ESRRG: variants seen among roughly 807,000 people sequenced by gnomAD.
ESRRG encodes estrogen-related receptor gamma.
A neutral mutation model predicts 44.0 loss-of-function variants in ESRRG; 13 were observed. The ratio of observed to expected loss-of-function variants is 0.30; its 90% CI spans 0.19 to 0.47. The LOEUF is 0.47. ESRRG is among the 20% of genes least tolerant of loss of function. The pLI is 1.00. For missense variants in ESRRG, 395 were observed against 580.6 expected, an observed-to-expected ratio of 0.68 and a Z score of 3.29; for synonymous variants, 215 against 214.6, an observed-to-expected ratio of 1.00 and a Z score of -0.02.
chr1:217,010,658 G>T (rs1221388821), intron 1 of ESRRG, among the ~76,000 whole-genome samples: 1 of 152,118 alleles, frequency 6.6e-6, no homozygotes, highest in African/African-American at 2.4e-5. Context: ...TCATTCAAAG[G>T]TACAAAATGA....
At chr1:216,739,119 G>A (rs1458758531) in intron 2 of ESRRG, among the ~76,000 whole-genome samples, 16 of 152,062 alleles carry the variant, frequency 1.1e-4, no homozygotes, top group Admixed American at 9.8e-4. Flanking sequence ...CTAACCAAAT[G>A]CTATTAATGT....
chr1:216,560,085 A>G (rs2058413182), intron 5 of ESRRG, among the ~76,000 whole-genome samples: 1 of 152,180 alleles, frequency 6.6e-6, no homozygotes, highest in Admixed American at 6.6e-5. Flanking sequence ...ATATTGGTTT[A>G]TGTGGCTTAG....
chr1:216,650,840 G>A (rs2068764426), intron 3 of ESRRG, 133 bp downstream of exon 3: 7 of 694,366 alleles, frequency 1.0e-5, no homozygotes, highest in African/African-American at 1.8e-5. Flanking sequence ...GTATAAAGGA[G>A]TATTCTGCCA....
intron 1 of ESRRG, among the ~76,000 whole-genome samples, chr1:217,075,071 G>A (rs140793364): frequency 3.9e-5 from 6 of 152,266 alleles, no homozygotes; most frequent in Admixed American, 2.0e-4. Flanking sequence ...CCACGTACAC[G>A]AAAAGTCAGC....
At chr1:216,658,736 G>A (rs2071335092) in intron 2 of ESRRG, among the ~76,000 whole-genome samples, 1 of 151,898 alleles carries the variant, frequency 6.6e-6, no homozygotes, top group African/African-American at 2.4e-5. Flanking sequence ...AGGAGGCTGA[G>A]GCAGGAGAAT....
At chr1:216,902,852 G>T (rs998866574) in intron 2 of ESRRG, among the ~76,000 whole-genome samples, 11 of 152,144 alleles carry the variant, frequency 7.2e-5, no homozygotes, top group African/African-American at 2.7e-4. Context: ...CTTTTTAGTG[G>T]CAGTTCTTTA....
At chr1:216,868,227 A>G (rs1459146365) in intron 2 of ESRRG, among the ~76,000 whole-genome samples, 1 of 151,490 alleles carries the variant, frequency 6.6e-6, no homozygotes, top group Non-Finnish European at 1.5e-5. Context: ...AGCTTGGATT[A>G]CAGGCATGCG....
intron 1 of ESRRG, among the ~76,000 whole-genome samples, chr1:217,133,042 C>T (rs1231236449): frequency 1.3e-5 from 2 of 152,152 alleles, no homozygotes; most frequent in Non-Finnish European, 2.9e-5. Flanking sequence ...ATCTAGAGCC[C>T]CAGACTGTGA....
chr1:216,965,444 G>A (rs574303154), intron 1 of ESRRG, among the ~76,000 whole-genome samples: 1 of 152,262 alleles, frequency 6.6e-6, no homozygotes, highest in South Asian at 2.1e-4. Flanking sequence ...CTCATCCCCA[G>A]TGAAAGAAAT....
chr1:216,768,061 C>G (rs1043701623), intron 2 of ESRRG, among the ~76,000 whole-genome samples: 1 of 152,140 alleles, frequency 6.6e-6, no homozygotes, highest in Admixed American at 6.6e-5. Context: ...TACATTGTCT[C>G]TAACCCTCAC....
intron 2 of ESRRG, among the ~76,000 whole-genome samples, chr1:216,745,855 A>G (rs1247470661): frequency 6.6e-6 from 1 of 152,236 alleles, no homozygotes; most frequent in East Asian, 1.9e-4. Flanking sequence ...GAAGGCAATT[A>G]TCTATGTATC....
rs535143606 is a variant in ESRRG at position 216,617,858 on chromosome 1, G to T, written c.589+33115C>A. 2.0e-5 allele frequency among the ~76,000 whole-genome samples: 3 copies of T among 152,252 alleles called. No homozygotes were observed. In the South Asian group the frequency reaches 6.2e-4, roughly 32 times the overall value. On this transcript the variant is annotated intron_variant, in intron 3 of 6. Transcript: ENST00000408911. ...ACTTTCCCTCAGCTGAATGGCTAAT[G>T]CTTTACAAGATTTTGTGATACCCAA...
At chr1:216,789,236 C>T (rs555772633) in intron 2 of ESRRG, among the ~76,000 whole-genome samples, 1 of 152,174 alleles carries the variant, frequency 6.6e-6, no homozygotes, top group Non-Finnish European at 1.5e-5. Flanking sequence ...ATCAATGTGG[C>T]AAACTTCATT....
intron 1 of ESRRG, among the ~76,000 whole-genome samples, chr1:217,001,073 TC>T (rs1338842613): frequency 6.6e-6 from 1 of 152,216 alleles, no homozygotes; most frequent in African/African-American, 2.4e-5. Context: ...ACTTTAATAC[TC>T]CCAAGCTGCT....
At chr1:216,592,579 C>A (rs996013726) in intron 3 of ESRRG, among the ~76,000 whole-genome samples, 1 of 152,074 alleles carries the variant, frequency 6.6e-6, no homozygotes, top group Admixed American at 6.5e-5. Flanking sequence ...TGGCTCACTG[C>A]AACCTCCACC....
At chr1:216,739,469 T>C (rs932015538) in intron 2 of ESRRG, among the ~76,000 whole-genome samples, 3 of 152,222 alleles carry the variant, frequency 2.0e-5, no homozygotes, top group African/African-American at 7.2e-5. Flanking sequence ...GTTTAACTGA[T>C]AGGTGCTCTA....
intron 2 of ESRRG, among the ~76,000 whole-genome samples, chr1:216,783,443 A>T (rs894460377): frequency 4.1e-4 from 62 of 152,216 alleles, no homozygotes; most frequent in African/African-American, 1.3e-3. Flanking sequence ...TACAGTTTCA[A>T]TTTTTTTATC....
chr1:216,746,539 G>A (rs184847353), intron 2 of ESRRG, among the ~76,000 whole-genome samples: 21 of 152,140 alleles, frequency 1.4e-4, no homozygotes, highest in Admixed American at 5.9e-4. Context: ...CTTAATTTTC[G>A]TAGTATTTTT....
At chr1:216,621,818 G>A (rs970807124) in intron 3 of ESRRG, among the ~76,000 whole-genome samples, 2 of 152,152 alleles carry the variant, frequency 1.3e-5, no homozygotes, top group African/African-American at 4.8e-5. Context: ...CAGGCACTGG[G>A]TCAGGTTAAT....
Sources: gnomAD v4.1 joint callset for allele counts (sites outside exome capture counted in the v4.1 genomes callset) on GRCh38, gnomAD v4.1.1 for gene constraint, MANE v1.5 for transcripts, NCBI Gene and HGNC (gene_info 2026-07-23, HGNC 2026-07-21) for gene names.